The following AMPH variants were observed in gnomAD, a reference collection of about 807,000 sequenced individuals.
AMPH encodes amphiphysin, also known as amphiphysin (Stiff-Mann syndrome with breast cancer 128kD autoantigen).
AMPH carries 49 observed loss-of-function variants against 99.1 expected under a neutral mutation model. The ratio of observed to expected loss-of-function variants is 0.49; its 90% CI spans 0.39 to 0.63. The LOEUF is 0.63. Ranked by LOEUF, AMPH falls within the 20% of genes least tolerant of loss-of-function variation. The pLI is 0.00. For missense variants in AMPH, 759 were observed against 863.4 expected, an observed-to-expected ratio of 0.88 and a Z score of 1.52; for synonymous variants, 314 against 317.3, an observed-to-expected ratio of 0.99 and a Z score of 0.11.
intron 12 of AMPH, 104 bp downstream of exon 12, chr7:38,436,168 T>C: frequency 1.2e-6 from 1 of 828,182 alleles, no homozygotes. Context: ...CAACCAAAAA[T>C]AAAAATAGAT....
At chr7:38,513,425 GA>G (rs1789618055) in intron 2 of AMPH, among the ~76,000 whole-genome samples, 1 of 152,170 alleles carries the variant, frequency 6.6e-6, no homozygotes, top group Admixed American at 6.5e-5. Context: ...TGGGATTGTG[GA>G]AAGGTATAGA....
chr7:38,497,141 C>T (rs1421328676), intron 3 of AMPH, among the ~76,000 whole-genome samples: 4 of 152,058 alleles, frequency 2.6e-5, no homozygotes, highest in African/African-American at 9.7e-5. Context: ...GATGGATACA[C>T]AGGTGAAAGG....
intron 2 of AMPH, among the ~76,000 whole-genome samples, chr7:38,521,719 A>G (rs1486091424): frequency 6.6e-6 from 1 of 152,056 alleles, no homozygotes; most frequent in African/African-American, 2.4e-5. Flanking sequence ...TGATCTACAG[A>G]ATTTTCATTC....
chr7:38,467,834 A>G (rs1289208683), intron 7 of AMPH, among the ~76,000 whole-genome samples: 1 of 152,090 alleles, frequency 6.6e-6, no homozygotes, highest in Admixed American at 6.5e-5. Context: ...GAGGAGAGCA[A>G]TGGGCCCTGT....
At chr7:38,559,174 G>A (rs749301583) in intron 1 of AMPH, among the ~76,000 whole-genome samples, 8 of 152,146 alleles carry the variant, frequency 5.3e-5, no homozygotes, top group Non-Finnish European at 7.3e-5. Flanking sequence ...TTTGTAACAC[G>A]GCCTGTGGGC....
At position 38,465,716 on chromosome 7, in the gene AMPH, A is replaced by G. The variant is rs572689018; in HGVS notation, c.667-167T>C. ...TGTATACGGTTCAAATTTAAAATCT[A>G]TGTCAAAACTGAAACAAACGAAACA... On this transcript the variant is annotated intron_variant, in intron 8 of 20. Coordinates refer to ENST00000356264, the MANE Select transcript of AMPH (RefSeq NM_001635.4). Among the ~76,000 whole-genome samples the G allele has an allele frequency of 1.0e-3, 154 of 152,326 alleles. 1 individual carries two copies. The highest frequency in any genetic ancestry group is 3.5e-3 in the Admixed American group (53 of 15,300).
chr7:38,390,228 A>T (rs985671443), intron 19 of AMPH, among the ~76,000 whole-genome samples: 10 of 152,328 alleles, frequency 6.6e-5, no homozygotes, highest in Admixed American at 4.6e-4. Flanking sequence ...ACTGGAACCC[A>T]AAATGTCTAA....
At chr7:38,458,618 A>T (rs1787320996) in intron 11 of AMPH, among the ~76,000 whole-genome samples, 1 of 152,206 alleles carries the variant, frequency 6.6e-6, no homozygotes, top group Non-Finnish European at 1.5e-5. Context: ...CTACATGATT[A>T]TCTCAATAGA....
chr7:38,613,683 T>C (rs1392125270), intron 1 of AMPH, among the ~76,000 whole-genome samples: 3 of 152,112 alleles, frequency 2.0e-5, no homozygotes, highest in South Asian at 2.1e-4. Context: ...TGAAAGTATA[T>C]TCTTAAGTTG....
intron 12 of AMPH, among the ~76,000 whole-genome samples, 163 bp downstream of exon 12, chr7:38,436,109 A>C (rs1007564411): frequency 3.3e-5 from 5 of 152,182 alleles, no homozygotes; most frequent in African/African-American, 9.7e-5. Flanking sequence ...AATAACTGAT[A>C]TAGATAAGGT....
At chr7:38,413,209 G>A (rs1785264535) in intron 17 of AMPH, among the ~76,000 whole-genome samples, 2 of 152,116 alleles carry the variant, frequency 1.3e-5, no homozygotes. Flanking sequence ...AGCCCTCATG[G>A]GAAACTTTTA....
At chr7:38,399,382 G>A (rs1287999140) in intron 17 of AMPH, among the ~76,000 whole-genome samples, 1 of 152,156 alleles carries the variant, frequency 6.6e-6, no homozygotes, top group Non-Finnish European at 1.5e-5. Flanking sequence ...TGGTCCAGAT[G>A]TTTTGCTCTT....
intron 17 of AMPH, among the ~76,000 whole-genome samples, chr7:38,398,131 TA>T (rs1784728146): frequency 1.2e-5 from 1 of 84,906 alleles, no homozygotes; most frequent in Non-Finnish European, 2.4e-5. Flanking sequence ...ACACAAAAAC[TA>T]AAAGTAGAGA....
At chr7:38,470,266 A>G (rs1787831409) in intron 7 of AMPH, among the ~76,000 whole-genome samples, 1 of 152,156 alleles carries the variant, frequency 6.6e-6, no homozygotes. Context: ...CAGCTGCCAC[A>G]ATTCCTCAGG....
intron 7 of AMPH, among the ~76,000 whole-genome samples, chr7:38,469,545 G>C (rs560637784): frequency 6.6e-6 from 1 of 152,212 alleles, no homozygotes; most frequent in Non-Finnish European, 1.5e-5. Flanking sequence ...ACTTACTATG[G>C]AGATGGAGTA....
intron 17 of AMPH, among the ~76,000 whole-genome samples, chr7:38,410,729 C>A (rs1322268168): frequency 6.6e-6 from 1 of 152,232 alleles, no homozygotes; most frequent in Non-Finnish European, 1.5e-5. Context: ...CACTGGTTGA[C>A]CATGCAGTTA....
chr7:38,448,607 AAT>A lies in AMPH; in HGVS notation c.1018-12221_1018-12220del, dbSNP rs1786882986. ...GTCTCTCGCTCGCTTGCTCTCTCCAAATATCTTACTGTTATGTAGTATTTTTG... is the reference window on the plus strand; with the variant it reads ...GTCTCTCGCTCGCTTGCTCTCTCCAAATCTTACTGTTATGTAGTATTTTTG... On this transcript the variant is annotated intron_variant, in intron 11 of 20. Transcript: ENST00000356264. Among the ~76,000 whole-genome samples the A allele has an allele frequency of 3.3e-5, 5 of 152,184 alleles. No homozygotes were observed. The South Asian group carries it at 1.0e-3, about 32-fold the overall frequency.
At chr7:38,622,314 A>T (rs1478044557) in intron 1 of AMPH, among the ~76,000 whole-genome samples, 1 of 152,166 alleles carries the variant, frequency 6.6e-6, no homozygotes. Flanking sequence ...TATCAGAAAA[A>T]TGCATCATTT....
At chr7:38,436,920 T>C (rs961138744) in intron 11 of AMPH, among the ~76,000 whole-genome samples, 1 of 152,188 alleles carries the variant, frequency 6.6e-6, no homozygotes, top group Non-Finnish European at 1.5e-5. Context: ...TTGGTTATCA[T>C]TTGATCCAGT....
Sources: allele counts gnomAD v4.1 joint callset (sites outside exome capture counted in the v4.1 genomes callset), GRCh38; gene constraint gnomAD v4.1.1; transcripts MANE v1.5; gene names NCBI Gene and HGNC (gene_info 2026-07-23, HGNC 2026-07-21).